Variants in BAIAP3 observed in about 807,000 individuals in gnomAD.
BAIAP3 encodes the protein BAI1 associated protein 3.
Under a neutral mutation model 149.7 loss-of-function variants are expected in BAIAP3, and 180 were observed. The observed-to-expected ratio is 1.20, with a 90% confidence interval of 1.07 to 1.36. The LOEUF (loss-of-function observed/expected upper bound fraction) is 1.36. Among genes scored for constraint, BAIAP3 ranks in the 40% most tolerant of loss-of-function variants. The pLI, the probability that BAIAP3 is intolerant of heterozygous loss-of-function variation, is 0.00. For missense variants in BAIAP3, 1,767 were observed against 1,563.4 expected (o/e 1.13, Z -2.20); for synonymous variants, 845 against 670.7 (o/e 1.26, Z -4.02).
chr16:1,348,599 A>C lies in BAIAP3; in HGVS notation c.*117A>C. 1 of 1,039,762 alleles carries C rather than the reference A, an allele frequency of 9.6e-7. No homozygotes were observed. The highest frequency in any genetic ancestry group is 1.4e-6 in the Non-Finnish European group (1 of 701,482). The allele number at this position is 1,039,762 out of a possible 1,614,324, so 64.4% of individuals were successfully genotyped here. A position where few individuals can be genotyped will look rare whatever the true frequency, so the allele number is the denominator to read the frequency against. On this transcript the variant is annotated 3_prime_UTR_variant, in exon 34 of 34. Transcript: ENST00000426824. ...CCCACGGCGCCCCTCCTGTGCTGTGACGTGTGTGTCGTGGCTGGCCCCGCG... is the reference window on the plus strand; with the variant it reads ...CCCACGGCGCCCCTCCTGTGCTGTGCCGTGTGTGTCGTGGCTGGCCCCGCG...
rs776924060 is a variant in BAIAP3, at chr16:1,338,527, C to T, written c.-10-13C>T. 1.4e-6 allele frequency: 2 copies of T among 1,380,292 alleles called. No homozygotes were observed. The highest frequency in any genetic ancestry group is 4.1e-5 in the East Asian group (1 of 24,606). 85.5% of individuals were successfully genotyped at this position (1,380,292 alleles called of 1,614,324 possible). A position where few individuals can be genotyped will look rare whatever the true frequency, so the allele number is the denominator to read the frequency against. On this transcript the variant is annotated splice_polypyrimidine_tract_variant and intron_variant, in intron 1 of 33. Transcript: ENST00000426824. The stretch of plus-strand genomic sequence containing the variant: ...GGACGACCTGAGGCTGCGGGCTGTG[C>T]TCTCTGCTGTAGGTCACCCGCCATG...
At chr16:1,348,334 C>G in intron 33 of BAIAP3, 33 bp downstream of exon 33, 1 of 1,603,956 alleles carries the variant, frequency 6.2e-7, no homozygotes. Flanking sequence ...GCAGGGGCAG[C>G]GGGCCTGACC....
chr16:1,342,881 C>A (rs750681808), intron 13 of BAIAP3, 32 bp from the exon 14 acceptor site: 3 of 1,611,912 alleles, frequency 1.9e-6, no homozygotes, highest in Admixed American at 3.3e-5. Flanking sequence ...GGGGCTGTCC[C>A]GCCTCCACCC....
chr16:1,335,755 C>T (rs112696038), intron 1 of BAIAP3, among the ~76,000 whole-genome samples: 9,973 of 152,256 alleles, frequency 0.066, 430 homozygotes, highest in South Asian at 0.15. Context: ...ATCCTAGCAA[C>T]GGGCAGTGGG....
chr16:1,342,310 G>T (rs1212979341), intron 11 of BAIAP3, 27 bp downstream of exon 11: 2 of 1,602,790 alleles, frequency 1.2e-6, no homozygotes, highest in Admixed American at 1.7e-5. Flanking sequence ...TGGGGCTGGT[G>T]ACACTTAGAG....
rs370876301 is a variant in BAIAP3, at chr16:1,346,369, G to A, written c.2493+8G>A. The stretch of plus-strand genomic sequence containing the variant: ...GCGCACCTGACCTCTAAGGTGGGTG[G>A]GGCCTGGAGACCAAGGCGTGGAGGC... On this transcript the variant is annotated splice_region_variant and intron_variant, in intron 25 of 33. Coordinates refer to ENST00000426824, the MANE Select transcript of BAIAP3 (RefSeq NM_001199097.2). 2 of 1,609,636 alleles carry A rather than the reference G, an allele frequency of 1.2e-6. No individual in the cohort carries two copies. The highest frequency in any genetic ancestry group is 1.7e-6 in the Non-Finnish European group (2 of 1,177,506).
In BAIAP3 at chr16:1,344,966, C is replaced by G; in HGVS notation, c.1810-3C>G. On this transcript the variant is annotated splice_polypyrimidine_tract_variant and splice_region_variant and intron_variant, in intron 20 of 33. Coordinates refer to ENST00000426824, the MANE Select transcript of BAIAP3 (RefSeq NM_001199097.2). ...GGAGGCCTGATCCTGCTGTCCCGGA[C>G]AGGTGGCTGAGGAGGCGTGGGTGCT... The G allele has an allele frequency of 6.2e-7, 1 of 1,613,314 alleles. No individual in the cohort carries two copies. The highest frequency in any genetic ancestry group is 8.5e-7 in the Non-Finnish European group (1 of 1,180,000).
chr16:1,348,128 C>G lies in BAIAP3; in HGVS notation c.3182C>G (p.Ala1061Gly). 1.2e-6 allele frequency: 2 copies of G among 1,605,430 alleles called. No individual in the cohort carries two copies. The highest frequency in any genetic ancestry group is 1.7e-5 in the Admixed American group (1 of 59,982). ...SVPAEACRRR[A>G]ACVLFTVMDH... ...CCTGCCGAGGCGTGCCGCCGCCGCG[C>G]GGCCTGTGTGTTGTTCACCGTCATG... The change falls in exon 33 of 34, where the codon GCG becomes GGG. Residue 1061 changes from alanine (A) to glycine (G), a missense_variant. Physicochemically the swap from Ala to Gly is moderately conservative, Grantham distance 60. Transcript: ENST00000426824.
In BAIAP3 at chr16:1,342,978, A is replaced by C; in HGVS notation, c.1227A>C (p.Gly409=). ...CCGCCACCATCCTCTGCCTGCACGG[A>C]GCCCAGAGCAACCTGTCACCCTTGC... The part of the protein sequence containing the change: ...TPAATILCLH[G]AQSNLSPLQL... The change falls in exon 14 of 34, where the codon GGA becomes GGC. Residue 409 remains glycine, a synonymous_variant. Transcript: ENST00000426824. 6.2e-7 allele frequency: 1 copy of C among 1,610,910 alleles called. No individual in the cohort carries two copies. Among genetic ancestry groups the C allele is most frequent in the Non-Finnish European group, 8.5e-7 (1 of 1,179,780 alleles).
At position 1,346,208 on chromosome 16, in the gene BAIAP3, G is replaced by A; in HGVS notation, c.2340G>A (p.Lys780=). The A allele has an allele frequency of 1.9e-6, 3 of 1,612,320 alleles. No individual in the cohort carries two copies. The highest frequency in any genetic ancestry group is 2.5e-6 in the Non-Finnish European group (3 of 1,179,854). Residue 780 remains lysine, a synonymous_variant, in exon 25 of 34, where the codon AAG becomes AAA. Coordinates refer to ENST00000426824, the MANE Select transcript of BAIAP3 (RefSeq NM_001199097.2). ...VVLNNVELVR[K]AAGQALKGLA... The stretch of plus-strand genomic sequence containing the variant: ...TCAACAATGTGGAGCTCGTGCGCAA[G>A]GCTGCTGGGCAGGCCTTGAAGGGCC...
At chr16:1,343,308 A>T in intron 14 of BAIAP3, 85 bp from the exon 15 acceptor site, 1 of 1,512,002 alleles carries the variant, frequency 6.6e-7, no homozygotes, top group Non-Finnish European at 8.9e-7. Context: ...GGTGGGGCAG[A>T]GAAAGGGGTA....
Position 1,345,857 on chromosome 16 carries a change from C to G in BAIAP3, c.2175C>G (p.Ala725=), listed in dbSNP as rs752441394. The change falls in exon 23 of 34, where the codon GCC becomes GCG. Residue 725 remains alanine (A), a synonymous_variant. Transcript: ENST00000426824. ...TGCGCCTGGCGTGGCCTGACCCTGC[C>G]CAGGCTCAGGGGCTGGGCACCCAGC... ...LWVRLAWPDP[A]QAQGLGTQLG... is the part of the protein sequence containing the mutation. 5.1e-6 allele frequency: 8 copies of G among 1,580,188 alleles called. No individual in the cohort carries two copies. In the Middle Eastern group the frequency reaches 6.7e-4, roughly 133 times the overall value.
Position 1,347,346 on chromosome 16 carries a change from A to G in BAIAP3, c.2800A>G (p.Ser934Gly). 2 of 1,613,340 alleles carry G rather than the reference A, an allele frequency of 1.2e-6. No homozygotes were observed. Among genetic ancestry groups the G allele is most frequent in the Non-Finnish European group, 8.5e-7 (1 of 1,179,926 alleles). Reference protein sequence around the residue: ...HAEGQGLPLESLRDGSYKRLK... With the variant: ...HAEGQGLPLEGLRDGSYKRLK... ...AGAGGGTCAGGGTTTGCCCCTGGAG[A>G]GCCTGAGGGATGGAAGCTACAAGGT... The change falls in exon 29 of 34, where the codon AGC becomes GGC. Residue 934 changes from serine (S) to glycine (G), a missense_variant. Transcript: ENST00000426824.
At position 1,341,449 on chromosome 16, in the gene BAIAP3, A is replaced by AG. The variant is rs2033920808; in HGVS notation, c.692dup (p.Ser231ArgfsTer17). 26 of 1,612,350 alleles carry AG rather than the reference A, an allele frequency of 1.6e-5. No individual in the cohort carries two copies. Among genetic ancestry groups the AG allele is most frequent in the Non-Finnish European group, 2.1e-5 (25 of 1,179,784 alleles). On this transcript the variant is annotated frameshift_variant, in exon 8 of 34. Transcript: ENST00000426824. LOFTEE classifies it high-confidence loss of function. ...GTGCATCCAGGTCACCGAGGTGAAGAGCAGCACCCTGAACCCCGTCTGGAA... is the reference window on the plus strand; with the variant it reads ...GTGCATCCAGGTCACCGAGGTGAAGAGGCAGCACCCTGAACCCCGTCTGGAA...
intron 29 of BAIAP3, 88 bp downstream of exon 29, chr16:1,347,457 G>C (rs771660347): frequency 2.5e-6 from 4 of 1,586,516 alleles, no homozygotes; most frequent in Non-Finnish European, 3.4e-6. Context: ...CCTTGAGCAT[G>C]AGGTGGCCCC....
At chr16:1,344,423 C>T (rs756476463) in intron 17 of BAIAP3, 46 bp from the exon 18 acceptor site, 5 of 1,612,470 alleles carry the variant, frequency 3.1e-6, no homozygotes, top group East Asian at 4.5e-5. Context: ...CCACCTCTTC[C>T]TCTTCCCTGC....
chr16:1,334,681 C>T, intron 1 of BAIAP3: 5 of 1,553,496 alleles, frequency 3.2e-6, no homozygotes, highest in Non-Finnish European at 4.4e-6. Flanking sequence ...CGGGGAGCAG[C>T]GTTTGCAGCG....
intron 14 of BAIAP3, 32 bp downstream of exon 14, chr16:1,343,048 A>G: frequency 7.1e-7 from 1 of 1,413,164 alleles, no homozygotes; most frequent in African/African-American, 1.5e-5. Flanking sequence ...TGGGCGGGGA[A>G]TGTGGGCGGG....
Position 1,346,458 on chromosome 16 carries a change from G to A in BAIAP3, c.2510G>A (p.Arg837His), listed in dbSNP as rs148186080. The A allele has an allele frequency of 4.3e-5, 69 of 1,612,438 alleles. No homozygotes were observed. The highest frequency in any genetic ancestry group is 2.3e-4 in the African/African-American group (17 of 75,048). ...HLTSKMVGDI[R>H]KYVQHISLSP... ...TGCCCTCAGATGGTGGGCGACATCC[G>A]CAAGTATGTACAGCACATCAGTCTC... The change falls in exon 26 of 34, where the codon CGC (arginine) becomes CAC (histidine). Residue 837 changes from arginine to histidine, a missense_variant. Physicochemically the swap from Arg to His is conservative, Grantham distance 29. Transcript: ENST00000426824.
Sources: gnomAD v4.1 joint callset for allele counts (sites outside exome capture counted in the v4.1 genomes callset) on GRCh38, gnomAD v4.1.1 for gene constraint, MANE v1.5 for transcripts, NCBI Gene and HGNC (gene_info 2026-07-23, HGNC 2026-07-21) for gene names.